MYCBP2: variants seen among roughly 807,000 people sequenced by gnomAD.
MYCBP2 encodes the protein E3 ubiquitin-protein ligase MYCBP2.
Under a neutral mutation model 525.3 loss-of-function variants are expected in MYCBP2, and 120 were observed. The ratio of observed to expected loss-of-function variants is 0.23; its 90% confidence interval spans 0.20 to 0.27. MYCBP2 has a LOEUF of 0.27. Ranked by LOEUF, MYCBP2 falls within the 10% of genes least tolerant of loss-of-function variation. MYCBP2 has a pLI of 1.00. For missense variants in MYCBP2, 4,149 were observed against 5,657.1 expected (o/e 0.73, Z 8.55); for synonymous variants, 1,894 against 1,955.8 (o/e 0.97, Z 0.83).
chr13:77,267,964 T>C lies in MYCBP2; in HGVS notation c.1261-27A>G, dbSNP rs373283371. The C allele has an allele frequency of 2.0e-6, 3 of 1,485,698 alleles. No homozygotes were observed. The African/African-American group carries it at 4.2e-5, about 21-fold the overall frequency. 92.0% of individuals were successfully genotyped at this position (1,485,698 alleles called of 1,614,324 possible). A position where few individuals can be genotyped will look rare whatever the true frequency, so the allele number is the denominator to read the frequency against. Reference sequence around the variant, plus strand: ...TGATAACAGCAAAAAATTTTCCTGTTAAAATATTTATTACTAATTCAGCAG... The same window carrying C: ...TGATAACAGCAAAAAATTTTCCTGTCAAAATATTTATTACTAATTCAGCAG... On this transcript the variant is annotated intron_variant, in intron 7 of 82. Transcript: ENST00000544440.
rs746433202 is a variant in MYCBP2, at chr13:77,303,006, A to C, written c.303-6332T>G. 1.2e-3 allele frequency among the ~76,000 whole-genome samples: 182 copies of C among 152,334 alleles called. 1 individual carries two copies. The highest frequency in any genetic ancestry group is 2.2e-3 in the Non-Finnish European group (151 of 68,002). On this transcript the variant is annotated intron_variant, in intron 1 of 82. Coordinates refer to ENST00000544440, the MANE Select transcript of MYCBP2 (RefSeq NM_015057.5). ...TCTCTGTAACTGATAGAACAAGTAG[A>C]GACCAAAACAGCACTGACATAGAAA...
At position 77,166,485 on chromosome 13, in the gene MYCBP2, C is replaced by T. The variant is rs1277815362; in HGVS notation, c.6184G>A (p.Glu2062Lys). 6.2e-7 allele frequency: 1 copy of T among 1,614,026 alleles called. No individual in the cohort carries two copies. Among genetic ancestry groups the T allele is most frequent in the Admixed American group, 1.7e-5 (1 of 60,012 alleles). Residue 2062 changes from glutamate (E) to lysine (K), a missense_variant, in exon 41 of 83, where the codon GAA becomes AAA. By Grantham distance (56) the Glu-to-Lys change is moderately conservative. Coordinates refer to ENST00000544440, the MANE Select transcript of MYCBP2 (RefSeq NM_015057.5). ...FDPQCGTAQSEDVLRLLIPVR... is the reference protein window; with the variant it reads ...FDPQCGTAQSKDVLRLLIPVR... ...GGAATCAACAAACGAAGGACATCTT[C>T]TGACTGTGCAGTACCACACTGAGGG...
In MYCBP2 at chr13:77,089,030, T is replaced by C. The variant is rs756613847; in HGVS notation, c.10527A>G (p.Glu3509=). The stretch of plus-strand genomic sequence containing the variant: ...GATGTCTCAAAAGGGAAGAACCAAC[T>C]TCTATTAAAGAAAAAGAAAATTATT... ...PRRRVNSGDT[E]VGSSLLRHPS... is the part of the protein sequence containing the mutation. The change falls in exon 61 of 83, where the codon GAA becomes GAG. Residue 3509 remains glutamate, a splice_region_variant and synonymous_variant. Transcript: ENST00000544440. 15 of 1,605,448 alleles carry C rather than the reference T, an allele frequency of 9.3e-6. No homozygotes were observed. In the South Asian group the frequency reaches 1.6e-4, roughly 17 times the overall value.
chr13:77,249,688 C>T (rs1487565310), intron 15 of MYCBP2, among the ~76,000 whole-genome samples: 1 of 152,056 alleles, frequency 6.6e-6, no homozygotes, highest in African/African-American at 2.4e-5. Context: ...GGCCACTACA[C>T]CCAGCTAACA....
chr13:77,093,462 T>G, intron 58 of MYCBP2, 130 bp from the exon 59 acceptor site: 2 of 710,142 alleles, frequency 2.8e-6, no homozygotes, highest in Non-Finnish European at 4.5e-6. Context: ...AAAATAATCG[T>G]AGATGTAGGT....
intron 15 of MYCBP2, among the ~76,000 whole-genome samples, chr13:77,246,032 A>G (rs2069868507): frequency 6.6e-6 from 1 of 151,902 alleles, no homozygotes; most frequent in Non-Finnish European, 1.5e-5. Context: ...TGACAAAGAC[A>G]CTCCCAGAAA....
intron 18 of MYCBP2, among the ~76,000 whole-genome samples, chr13:77,231,365 G>T (rs1206920495): frequency 6.6e-6 from 1 of 152,050 alleles, no homozygotes; most frequent in African/African-American, 2.4e-5. Flanking sequence ...TGAGTACCTG[G>T]GATTACAGGC....
At chr13:77,323,041 C>CA (rs918279576) in intron 1 of MYCBP2, among the ~76,000 whole-genome samples, 5 of 152,226 alleles carry the variant, frequency 3.3e-5, no homozygotes, top group African/African-American at 1.2e-4. Flanking sequence ...AACAAACAGA[C>CA]AAAAAACAGT....
At chr13:77,062,513 TTGTTTG>T in intron 74 of MYCBP2, 77 bp downstream of exon 74, 1 of 1,164,374 alleles carries the variant, frequency 8.6e-7, no homozygotes, top group South Asian at 1.3e-5. Context: ...GATGTGTTTT[TTGTTTG>T]TTTGTTTGTT....
intron 17 of MYCBP2, among the ~76,000 whole-genome samples, chr13:77,241,045 C>T (rs540613184): frequency 6.6e-6 from 1 of 152,096 alleles, no homozygotes; most frequent in Non-Finnish European, 1.5e-5. Context: ...GTGCCTAGAA[C>T]CTCAATCTAT....
At chr13:77,321,751 T>G (rs1386994379) in intron 1 of MYCBP2, among the ~76,000 whole-genome samples, 2 of 152,266 alleles carry the variant, frequency 1.3e-5, no homozygotes, top group African/African-American at 4.8e-5. Context: ...TCATTTCATT[T>G]AACACTTCTA....
intron 21 of MYCBP2, among the ~76,000 whole-genome samples, chr13:77,213,475 C>T (rs552831982): frequency 1.5e-4 from 22 of 150,976 alleles, no homozygotes; most frequent in Middle Eastern, 6.8e-3. Flanking sequence ...GAGGCTCTGT[C>T]TCAAAAAGAA....
intron 62 of MYCBP2, among the ~76,000 whole-genome samples, chr13:77,084,420 A>T (rs2043857164): frequency 6.6e-6 from 1 of 152,114 alleles, no homozygotes; most frequent in Non-Finnish European, 1.5e-5. Flanking sequence ...GTTCTGGTTT[A>T]TATTATCTTC....
At chr13:77,236,168 G>C (rs1158163363) in intron 17 of MYCBP2, among the ~76,000 whole-genome samples, 2 of 152,184 alleles carry the variant, frequency 1.3e-5, no homozygotes, top group Non-Finnish European at 2.9e-5. Context: ...TAAGGAAACA[G>C]TAAGATTCTG....
chr13:77,294,131 C>CATATATATATATACATATATATACAT, intron 2 of MYCBP2, among the ~76,000 whole-genome samples: 1 of 65,692 alleles, frequency 1.5e-5, no homozygotes, highest in Non-Finnish European at 3.0e-5. Flanking sequence ...TATATATATA[C>CATATATATATATACATATATATACAT]ATATATATAT....
chr13:77,276,766 G>A (rs1358460663), intron 4 of MYCBP2, among the ~76,000 whole-genome samples: 2 of 150,296 alleles, frequency 1.3e-5, no homozygotes, highest in African/African-American at 4.9e-5. Flanking sequence ...TCCTGGGCTC[G>A]AGCGGTCCTC....
chr13:77,099,166 G>GAAAT (rs149686048), intron 55 of MYCBP2, 153 bp from the exon 56 acceptor site: 1 of 1,026,416 alleles, frequency 9.7e-7, no homozygotes, highest in East Asian at 2.6e-5. Flanking sequence ...AAAGAAGGGG[G>GAAAT]AAATATTTCT....
At position 77,326,032 on chromosome 13, in the gene MYCBP2, CA is replaced by C. The variant is rs1014289228; in HGVS notation, c.302+441del. ...AATGTCATGGGAGAGGCGGCACGTG[CA>C]AATAACATTGCGGCAGAGACACTGA... On this transcript the variant is annotated intron_variant, in intron 1 of 82. Coordinates refer to ENST00000544440, the MANE Select transcript of MYCBP2 (RefSeq NM_015057.5). This position sits in a 1 kb window ranked among gnomAD's most constrained non-coding sequence, Gnocchi z 4.2. Among the ~76,000 whole-genome samples the C allele has an allele frequency of 2.0e-5, 3 of 152,032 alleles. No individual in the cohort carries two copies. The highest frequency in any genetic ancestry group is 4.4e-5 in the Non-Finnish European group (3 of 68,008).
chr13:77,323,869 T>G (rs946811938), intron 1 of MYCBP2, among the ~76,000 whole-genome samples: 1 of 152,192 alleles, frequency 6.6e-6, no homozygotes, highest in African/African-American at 2.4e-5. Context: ...TAACTGCTCC[T>G]TTTTTCAATG....
Sources: allele counts gnomAD v4.1 joint callset (sites outside exome capture counted in the v4.1 genomes callset), GRCh38; gene constraint gnomAD v4.1.1; non-coding constraint Gnocchi (gnomAD v3.1); transcripts MANE v1.5; gene names NCBI Gene and HGNC (gene_info 2026-07-23, HGNC 2026-07-21).